STPG2: variants seen among roughly 807,000 people sequenced by gnomAD.
STPG2 encodes the protein sperm-tail PG-rich repeat-containing protein 2.
STPG2 carries 56 observed loss-of-function variants against 54.2 expected under a neutral mutation model. The observed-to-expected ratio is 1.03, with a 90% CI of 0.83 to 1.29. The LOEUF (loss-of-function observed/expected upper bound fraction) is 1.29, where lower values mean the gene tolerates loss of function less well. Among genes scored for constraint, STPG2 ranks in the 50% most tolerant of loss-of-function variants. The pLI, the probability that STPG2 is intolerant of heterozygous loss-of-function variation, is 0.00. For missense variants in STPG2, 596 were observed against 544.9 expected, an observed-to-expected ratio of 1.09 and a Z score of -0.93; for synonymous variants, 200 against 181.8, an observed-to-expected ratio of 1.10 and a Z score of -0.81.
At chr4:97,801,215 G>C (rs1300953688) in intron 9 of STPG2, among the ~76,000 whole-genome samples, 1 of 152,150 alleles carries the variant, frequency 6.6e-6, no homozygotes, top group East Asian at 1.9e-4. Flanking sequence ...GCAAGCCCCA[G>C]TGAGATGAAT....
At chr4:97,591,893 TA>T (rs1420769492) in intron 10 of STPG2, among the ~76,000 whole-genome samples, 2 of 152,180 alleles carry the variant, frequency 1.3e-5, no homozygotes, top group Non-Finnish European at 2.9e-5. Context: ...TGCTCTTAAC[TA>T]GATGTTCTTT....
chr4:97,577,066 C>T (rs143051873), intron 10 of STPG2, among the ~76,000 whole-genome samples: 3 of 152,170 alleles, frequency 2.0e-5, no homozygotes, highest in Non-Finnish European at 2.9e-5. Flanking sequence ...GTCAGAATGG[C>T]TATTACTAAA....
chr4:97,602,917 A>C (rs1191301861), intron 10 of STPG2, among the ~76,000 whole-genome samples: 1 of 151,750 alleles, frequency 6.6e-6, no homozygotes, highest in Non-Finnish European at 1.5e-5. Context: ...AACATCATCT[A>C]GACATAACCA....
intron 8 of STPG2, among the ~76,000 whole-genome samples, chr4:97,888,006 A>G (rs1375650821): frequency 2.0e-5 from 3 of 152,172 alleles, no homozygotes; most frequent in Non-Finnish European, 2.9e-5. Context: ...CAGCTTCCAC[A>G]TGGTATTAAG....
rs200062564 is a variant in STPG2 at position 98,042,340 on chromosome 4, CT to C, written c.613-61023del. On this transcript the variant is annotated intron_variant, in intron 5 of 10. Transcript: ENST00000295268. ...CAATTTTATATAGTTCTACTCTGATCTTTGTTCTTTCTTTCCTTTTGCTAGC... is the reference window on the plus strand; with the variant it reads ...CAATTTTATATAGTTCTACTCTGATCTTGTTCTTTCTTTCCTTTTGCTAGC... Among the ~76,000 whole-genome samples the C allele has an allele frequency of 2.3e-3, 347 of 150,558 alleles. 10 individuals carry two copies. The East Asian group carries it at 0.058, about 25-fold the overall frequency.
At chr4:97,500,479 GGA>G (rs1730700474) in intron 4 of STPG2, among the ~76,000 whole-genome samples, 1 of 151,984 alleles carries the variant, frequency 6.6e-6, no homozygotes, top group African/African-American at 2.4e-5. Flanking sequence ...CAGCCTGACT[GGA>G]GATAAAATAT....
At chr4:97,603,841 G>A (rs1733525949) in intron 10 of STPG2, among the ~76,000 whole-genome samples, 1 of 151,628 alleles carries the variant, frequency 6.6e-6, no homozygotes, top group Admixed American at 6.6e-5. Context: ...TGAAGGGAGA[G>A]ATGGTGAGTT....
chr4:97,650,493 G>A (rs1016440833), intron 10 of STPG2, among the ~76,000 whole-genome samples: 3 of 152,116 alleles, frequency 2.0e-5, no homozygotes, highest in Admixed American at 1.3e-4. Flanking sequence ...ACAACTTGAA[G>A]CAGGAGCTTC....
intron 8 of STPG2, among the ~76,000 whole-genome samples, chr4:97,892,782 TC>T (rs1398939008): frequency 3.3e-5 from 5 of 152,132 alleles, no homozygotes; most frequent in African/African-American, 7.2e-5. Context: ...TATGTACAGC[TC>T]CCATAAAGAG....
chr4:97,939,031 T>C (rs1732871972), intron 8 of STPG2, among the ~76,000 whole-genome samples: 1 of 152,312 alleles, frequency 6.6e-6, no homozygotes, highest in South Asian at 2.1e-4. Flanking sequence ...TATGTTCAAA[T>C]AACTTCTTGA....
At chr4:97,908,631 A>T (rs754536875) in intron 8 of STPG2, among the ~76,000 whole-genome samples, 2,126 of 152,034 alleles carry the variant, frequency 0.014, 20 homozygotes, top group Non-Finnish European at 0.019. Flanking sequence ...TCCAACAATG[A>T]TAGACTGGAT....
intron 10 of STPG2, among the ~76,000 whole-genome samples, chr4:97,568,667 CCAAA>C (rs1732517869): frequency 6.6e-6 from 1 of 151,780 alleles, no homozygotes; most frequent in African/African-American, 2.4e-5. Context: ...AACAGGCTAC[CCAAA>C]CAAATGACTG....
chr4:97,872,926 C>A (rs1730043533), intron 8 of STPG2, among the ~76,000 whole-genome samples: 1 of 151,082 alleles, frequency 6.6e-6, no homozygotes, highest in African/African-American at 2.4e-5. Context: ...ATATTCCTGT[C>A]CCTGCGATGA....
chr4:97,923,622 A>G (rs1409282053), intron 8 of STPG2, among the ~76,000 whole-genome samples: 1 of 151,984 alleles, frequency 6.6e-6, no homozygotes, highest in Non-Finnish European at 1.5e-5. Context: ...TTGTAAATGC[A>G]CCAATCAGTG....
intron 10 of STPG2, among the ~76,000 whole-genome samples, chr4:97,564,002 T>A (rs1454469383): frequency 1.3e-5 from 2 of 152,174 alleles, no homozygotes; most frequent in African/African-American, 4.8e-5. Context: ...TAACTTTCTG[T>A]CTGTTGATCT....
intron 4 of STPG2, among the ~76,000 whole-genome samples, chr4:97,455,731 C>A (rs1190205876): frequency 2.6e-5 from 4 of 152,174 alleles, no homozygotes; most frequent in African/African-American, 9.6e-5. Context: ...TGCAATGAGG[C>A]AGAGGGTCTA....
At chr4:97,647,684 G>C (rs1196122916) in intron 10 of STPG2, among the ~76,000 whole-genome samples, 1 of 152,176 alleles carries the variant, frequency 6.6e-6, no homozygotes, top group Non-Finnish European at 1.5e-5. Context: ...CCAAGCAGTG[G>C]TGGGTGGCCA....
intron 4 of STPG2, among the ~76,000 whole-genome samples, chr4:97,451,678 T>A (rs1729369231): frequency 6.6e-6 from 1 of 152,128 alleles, no homozygotes; most frequent in Non-Finnish European, 1.5e-5. Flanking sequence ...AGGAGTGATC[T>A]ATTCCAAGAG....
At chr4:98,142,085 A>T (rs1740310591) in intron 1 of STPG2, among the ~76,000 whole-genome samples, 1 of 152,208 alleles carries the variant, frequency 6.6e-6, no homozygotes, top group African/African-American at 2.4e-5. Context: ...TAGGGGAATT[A>T]ATGCTTATAA....
Sources: gnomAD v4.1 joint callset for allele counts (sites outside exome capture counted in the v4.1 genomes callset) on GRCh38, gnomAD v4.1.1 for gene constraint, MANE v1.5 for transcripts, NCBI Gene and HGNC (gene_info 2026-07-23, HGNC 2026-07-21) for gene names.